The following PPP5C variants were observed in gnomAD, a reference collection of about 807,000 sequenced individuals.
PPP5C encodes the protein protein phosphatase 5 catalytic subunit.
A neutral mutation model predicts 66.7 loss-of-function variants in PPP5C; 21 were observed. The ratio of observed to expected loss-of-function variants is 0.31; its 90% CI spans 0.22 to 0.45. The LOEUF is 0.45. Among genes scored for constraint, PPP5C ranks in the 20% least tolerant of loss-of-function variants. The pLI, the probability that PPP5C is intolerant of heterozygous loss-of-function variation, is 1.00. For synonymous variants in PPP5C, 246 were observed against 257.4 expected, an observed-to-expected ratio of 0.96 and a Z score of 0.43; for missense variants, 464 against 675.9, an observed-to-expected ratio of 0.69 and a Z score of 3.48.
At chr19:46,350,650 C>T (rs908830046) in intron 1 of PPP5C, among the ~76,000 whole-genome samples, 2 of 152,202 alleles carry the variant, frequency 1.3e-5, no homozygotes, top group Non-Finnish European at 2.9e-5. Flanking sequence ...CTTAATTGAG[C>T]CTTGTGGCCA....
At chr19:46,352,588 A>G (rs1972207127) in intron 1 of PPP5C, among the ~76,000 whole-genome samples, 1 of 152,100 alleles carries the variant, frequency 6.6e-6, no homozygotes, top group South Asian at 2.1e-4. Context: ...TGGGAGGCCA[A>G]GGCAGGAGGA....
intron 4 of PPP5C, among the ~76,000 whole-genome samples, chr19:46,379,994 A>T (rs1040739041): frequency 1.6e-4 from 25 of 152,222 alleles, no homozygotes; most frequent in African/African-American, 6.0e-4. Flanking sequence ...TAATAATATG[A>T]TACTTAATGG....
chr19:46,364,033 C>G (rs371234777), intron 2 of PPP5C, among the ~76,000 whole-genome samples: 15 of 152,094 alleles, frequency 9.9e-5, no homozygotes, highest in African/African-American at 3.4e-4. Flanking sequence ...CATCAAAGAA[C>G]AGGACTTAGA....
At chr19:46,384,544 T>C in intron 6 of PPP5C, 1 of 426,056 alleles carries the variant, frequency 2.3e-6, no homozygotes, top group East Asian at 4.5e-5. Flanking sequence ...CCACTGGCTT[T>C]CCGGGAGACA....
At chr19:46,389,413 A>AGAGTGTTGAT (rs1568579913) in intron 11 of PPP5C, among the ~76,000 whole-genome samples, 1 of 45,486 alleles carries the variant, frequency 2.2e-5, no homozygotes, top group Non-Finnish European at 5.5e-5. Context: ...ACACACACAC[A>AGAGTGTTGAT]CACACACACA....
chr19:46,348,321 T>C (rs1321548915), intron 1 of PPP5C, among the ~76,000 whole-genome samples: 1 of 151,222 alleles, frequency 6.6e-6, no homozygotes, highest in Non-Finnish European at 1.5e-5. Flanking sequence ...TTTTTTTTTT[T>C]TTTTTTTTGA....
rs760029670 is a variant in PPP5C at position 46,390,430 on chromosome 19, G to T, written c.*84G>T. 5.2e-6 allele frequency: 8 copies of T among 1,541,266 alleles called. No individual in the cohort carries two copies. The African/African-American group carries it at 5.5e-5, about 11-fold the overall frequency. On this transcript the variant is annotated 3_prime_UTR_variant, in exon 13 of 13. Transcript: ENST00000012443. ...CTGGGCTAGGGGCAGAGCAGGCCCC[G>T]CCCCAGGGCAATGTTGGACCCCCTT...
intron 4 of PPP5C, chr19:46,382,271 G>C (rs376003388): frequency 9.2e-5 from 14 of 152,180 alleles, no homozygotes; most frequent in African/African-American, 3.4e-4. Flanking sequence ...CCTCGCACCA[G>C]GGTGAAAGCT....
At chr19:46,370,827 G>A (rs182463582) in intron 2 of PPP5C, among the ~76,000 whole-genome samples, 94 of 151,836 alleles carry the variant, frequency 6.2e-4, no homozygotes, top group African/African-American at 2.2e-3. Context: ...TGCAAGCTCC[G>A]CCTCCCGGGT....
At chr19:46,355,583 G>A (rs1972271354) in intron 2 of PPP5C, among the ~76,000 whole-genome samples, 2 of 152,088 alleles carry the variant, frequency 1.3e-5, no homozygotes, top group South Asian at 4.2e-4. Context: ...CACCTAGAAG[G>A]GTGGGGGCAG....
chr19:46,361,128 A>ATTTTTT (rs202038384), intron 2 of PPP5C, among the ~76,000 whole-genome samples: 1,846 of 133,166 alleles, frequency 0.014, 119 homozygotes, highest in East Asian at 0.021. Context: ...AGTGAAAGAA[A>ATTTTTT]ATTTTTTTTT....
At position 46,376,086 on chromosome 19, in the gene PPP5C, A is replaced by G. The variant is rs1329831167; in HGVS notation, c.511+335A>G. Among the ~76,000 whole-genome samples the G allele has an allele frequency of 2.6e-5, 4 of 152,162 alleles. No individual in the cohort carries two copies. Among genetic ancestry groups the G allele is most frequent in the African/African-American group, 9.7e-5 (4 of 41,442 alleles). ...GTTGTGGATCATCCCACAGATGATT[A>G]TTGAGCATCTCCTATGTGCCCGGCA... On this transcript the variant is annotated intron_variant, in intron 3 of 12. Coordinates refer to ENST00000012443, the MANE Select transcript of PPP5C (RefSeq NM_006247.4). This position sits in a 1 kb window ranked among gnomAD's most constrained non-coding sequence, Gnocchi z 5.1.
At chr19:46,381,027 T>G (rs1972781615) in intron 4 of PPP5C, among the ~76,000 whole-genome samples, 1 of 152,220 alleles carries the variant, frequency 6.6e-6, no homozygotes, top group Non-Finnish European at 1.5e-5. Flanking sequence ...ATTCCTTAGA[T>G]CTTAATGACC....
intron 11 of PPP5C, 39 bp from the exon 12 acceptor site, chr19:46,390,012 G>A (rs1972985338): frequency 1.3e-6 from 2 of 1,597,556 alleles, no homozygotes. Flanking sequence ...GCCCCACCCA[G>A]CCCTGACCAC....
chr19:46,382,553 C>G (rs1972811209), intron 4 of PPP5C: 1 of 152,720 alleles, frequency 6.5e-6, no homozygotes, highest in Non-Finnish European at 1.5e-5. Context: ...TAACATCTGT[C>G]CACCCTTCAC....
intron 12 of PPP5C, 58 bp from the exon 13 acceptor site, chr19:46,390,226 T>G (rs1053389903): frequency 1.2e-4 from 194 of 1,603,890 alleles, no homozygotes; most frequent in Non-Finnish European, 1.5e-4. Flanking sequence ...GTTCTGCCGG[T>G]GGGTGCTCAG....
At chr19:46,363,086 C>T (rs866807803) in intron 2 of PPP5C, among the ~76,000 whole-genome samples, 5 of 150,780 alleles carry the variant, frequency 3.3e-5, no homozygotes, top group South Asian at 2.1e-4. Context: ...TGCCCCGGGC[C>T]GCCGACATAG....
chr19:46,359,734 T>G (rs75199286), intron 2 of PPP5C, among the ~76,000 whole-genome samples: 1 of 152,124 alleles, frequency 6.6e-6, no homozygotes. Context: ...TATAGACTCC[T>G]TTTAAGTTGG....
intron 4 of PPP5C, among the ~76,000 whole-genome samples, chr19:46,377,256 A>G (rs552541913): frequency 3.9e-5 from 6 of 152,176 alleles, no homozygotes; most frequent in East Asian, 1.9e-4. Flanking sequence ...TCAAATCTCT[A>G]CCTTCCCACA....
Sources: allele counts gnomAD v4.1 joint callset (sites outside exome capture counted in the v4.1 genomes callset), GRCh38; gene constraint gnomAD v4.1.1; non-coding constraint Gnocchi (gnomAD v3.1); transcripts MANE v1.5; gene names NCBI Gene and HGNC (gene_info 2026-07-23, HGNC 2026-07-21).